CDC42BPG: variants seen among roughly 807,000 people sequenced by gnomAD.
The protein encoded by CDC42BPG is serine/threonine-protein kinase MRCK gamma.
In CDC42BPG, 157 loss-of-function variants were observed where a neutral mutation model predicts 192.2. The observed-to-expected ratio is 0.82, with a 90% CI of 0.72 to 0.93. The LOEUF (loss-of-function observed/expected upper bound fraction) is 0.93, where lower values mean the gene tolerates loss of function less well. CDC42BPG is among the 40% of genes least tolerant of loss of function. CDC42BPG has a pLI of 0.00. For missense variants in CDC42BPG, 1,992 were observed against 2,122.1 expected, an observed-to-expected ratio of 0.94 and a Z score of 1.20; for synonymous variants, 981 against 918.5, an observed-to-expected ratio of 1.07 and a Z score of -1.23.
chr11:64,842,360 C>G (rs1277710448), intron 1 of CDC42BPG, among the ~76,000 whole-genome samples: 1 of 152,202 alleles, frequency 6.6e-6, no homozygotes, highest in Non-Finnish European at 1.5e-5. Flanking sequence ...AGAGAGGCTT[C>G]TCTCCCATTC....
rs376375253 is a variant in CDC42BPG at position 64,832,831 on chromosome 11, G to A, written c.2860C>T (p.Leu954=). 1 of 1,586,590 alleles carries A rather than the reference G, an allele frequency of 6.3e-7. No homozygotes were observed. The highest frequency in any genetic ancestry group is 8.6e-7 in the Non-Finnish European group (1 of 1,166,838). The change falls in exon 25 of 37, where the codon CTG becomes TTG. Residue 954 remains leucine, a synonymous_variant. Coordinates refer to ENST00000342711, the MANE Select transcript of CDC42BPG (RefSeq NM_017525.3). ...TGTGTAYEGF[L]SVPRPSGVRR... The stretch of plus-strand genomic sequence containing the variant: ...CTCCCTCGGCCCCCACTCACCGACA[G>A]AAAGCCCTCATAGGCAGTGCCTGTG...
rs757654827 is a variant in CDC42BPG at position 64,836,140 on chromosome 11, C to T, written c.1645G>A (p.Glu549Lys). ...ACCTCCCTCTGGGCAGCCCGGGCTT[C>T]CTCCAGCTGGGAGCTCAGGGCCCGG... ...QTRALSSQLEEARAAQRELEA... is the reference protein window; with the variant it reads ...QTRALSSQLEKARAAQRELEA... The change falls in exon 13 of 37, where the codon GAA (glutamate) becomes AAA (lysine). Residue 549 changes from glutamate (E) to lysine (K), a missense_variant. Physicochemically the swap from Glu to Lys is moderately conservative, Grantham distance 56. This residue lies in a region of CDC42BPG where 1,656 missense variants were observed against 1,844.3 expected (regional missense o/e 0.90). Coordinates refer to ENST00000342711, the MANE Select transcript of CDC42BPG (RefSeq NM_017525.3). 6 of 1,600,392 alleles carry T rather than the reference C, an allele frequency of 3.7e-6. No homozygotes were observed. Among genetic ancestry groups the T allele is most frequent in the South Asian group, 1.1e-5 (1 of 88,952 alleles).
Position 64,824,369 on chromosome 11 carries a change from C to G in CDC42BPG, c.*104G>C. On this transcript the variant is annotated 3_prime_UTR_variant, in exon 37 of 37. Transcript: ENST00000342711. ...TGCCCAGCCCGGGTCCTCCCTGAGT[C>G]CGAATTTCCATGTCCCGGACCAGCC... 1.1e-6 allele frequency: 1 copy of G among 889,508 alleles called. No individual in the cohort carries two copies. The highest frequency in any genetic ancestry group is 1.9e-6 in the Non-Finnish European group (1 of 519,186). 55.1% of individuals were successfully genotyped at this position (889,508 alleles called of 1,614,324 possible).
At chr11:64,839,409 G>A (rs1346569183) in intron 6 of CDC42BPG, 69 bp downstream of exon 6, 3 of 1,536,692 alleles carry the variant, frequency 2.0e-6, no homozygotes, top group African/African-American at 2.7e-5. Flanking sequence ...TAGGCCTGGG[G>A]CCTCCCATTT....
At position 64,828,212 on chromosome 11, in the gene CDC42BPG, G is replaced by A. The variant is rs548486642; in HGVS notation, c.3968-429C>T. On this transcript the variant is annotated intron_variant, in intron 30 of 36. Transcript: ENST00000342711. ...AGCCATTGCTCACGAAGGACACTCT[G>A]CCCCTCTCTTCCAGCCCTTACCCAT... is the stretch of plus-strand genomic sequence containing the variant. 9.9e-5 allele frequency among the ~76,000 whole-genome samples: 15 copies of A among 152,262 alleles called. 1 individual carries two copies. In the South Asian group the frequency reaches 3.1e-3, roughly 32 times the overall value.
intron 5 of CDC42BPG, 40 bp from the exon 6 acceptor site, chr11:64,839,611 G>A (rs751573822): frequency 5.1e-6 from 8 of 1,555,286 alleles, no homozygotes; most frequent in East Asian, 2.3e-5. Context: ...CGTTTGACCT[G>A]TGTGTAAGTG....
chr11:64,823,496 G>A lies in CDC42BPG; in HGVS notation c.*977C>T, dbSNP rs1942317427. On this transcript the variant is annotated 3_prime_UTR_variant, in exon 37 of 37. Coordinates refer to ENST00000342711, the MANE Select transcript of CDC42BPG (RefSeq NM_017525.3). ...GCCCCCCACACTTCAGTGGGGGGAG[G>A]TTTAATAAAAATAGTAATATAATAA... 6.6e-6 allele frequency: 1 copy of A among 151,770 alleles called. No homozygotes were observed. The highest frequency in any genetic ancestry group is 6.6e-5 in the Admixed American group (1 of 15,216). The allele number at this position is 151,770 out of a possible 1,614,324, so 9.4% of individuals were successfully genotyped here.
In CDC42BPG at chr11:64,823,990, C is replaced by T. The variant is rs536055593; in HGVS notation, c.*483G>A. 5.5e-6 allele frequency: 1 copy of T among 180,536 alleles called. No homozygotes were observed. The highest frequency in any genetic ancestry group is 1.7e-4 in the East Asian group (1 of 5,834). The allele number at this position is 180,536 out of a possible 1,614,324, so 11.2% of individuals were successfully genotyped here. Reference sequence around the variant, plus strand: ...CTACATCCTTTCCCTCCTTCTCTATCTTCCCTTCTTCTGGATCACAGCCTG... The same window carrying T: ...CTACATCCTTTCCCTCCTTCTCTATTTTCCCTTCTTCTGGATCACAGCCTG... On this transcript the variant is annotated 3_prime_UTR_variant, in exon 37 of 37. Transcript: ENST00000342711.
At position 64,832,302 on chromosome 11, in the gene CDC42BPG, C is replaced by G. The variant is rs959913665; in HGVS notation, c.3087+126G>C. ...GAGGTGAGACCGGGCCAGGTGCTCA[C>G]GTGGAAAGCGTGCTGTGGTTGTGGG... On this transcript the variant is annotated intron_variant, in intron 27 of 36. Coordinates refer to ENST00000342711, the MANE Select transcript of CDC42BPG (RefSeq NM_017525.3). 6.1e-6 allele frequency: 6 copies of G among 983,956 alleles called. No individual in the cohort carries two copies. The East Asian group carries it at 1.6e-4, about 26-fold the overall frequency. The allele number at this position is 983,956 out of a possible 1,614,324, so 61.0% of individuals were successfully genotyped here. A position where few individuals can be genotyped will look rare whatever the true frequency, so the allele number is the denominator to read the frequency against.
chr11:64,844,113 T>C (rs999837607), intron 1 of CDC42BPG, among the ~76,000 whole-genome samples: 3 of 152,256 alleles, frequency 2.0e-5, no homozygotes, highest in South Asian at 2.1e-4. Context: ...TAAGGGACTC[T>C]AGGCGGTGCA....
rs1372219557 is a variant in CDC42BPG, at chr11:64,833,271, C to T, written c.2691G>A (p.Ser897=). ...CCTGGCGGCCCAGGCCCAGCATCAG[C>T]GAGGTGCAGCGGAGACACTTGGTCG... ...PSPTKCLRCT[S]LMLGLGRQGL... Residue 897 remains serine (S), a synonymous_variant, in exon 24 of 37, where the codon TCG becomes TCA. Coordinates refer to ENST00000342711, the MANE Select transcript of CDC42BPG (RefSeq NM_017525.3). The T allele has an allele frequency of 2.6e-6, 4 of 1,548,264 alleles. No individual in the cohort carries two copies. The highest frequency in any genetic ancestry group is 2.0e-5 in the Admixed American group (1 of 50,828).
At position 64,836,705 on chromosome 11, in the gene CDC42BPG, C is replaced by CCGGGGGGGGGGGGGGGGG. The variant is rs1192864769; in HGVS notation, c.1384+33_1384+34insCCCCCCCCCCCCCCCCCG. The CCGGGGGGGGGGGGGGGGG allele has an allele frequency of 1.6e-4, 58 of 353,460 alleles. 16 individuals carry two copies. The highest frequency in any genetic ancestry group is 8.4e-4 in the Middle Eastern group (1 of 1,190). 21.9% of individuals were successfully genotyped at this position (353,460 alleles called of 1,614,324 possible). ...ACCCGAGCCCAGGTGGGACTCAGCC[C>CCGGGGGGGGGGGGGGGGG]TGGGGGGGGGGGGGGGGTGGGCGGA... On this transcript the variant is annotated intron_variant, in intron 11 of 36. Coordinates refer to ENST00000342711, the MANE Select transcript of CDC42BPG (RefSeq NM_017525.3).
intron 1 of CDC42BPG, 145 bp downstream of exon 1, chr11:64,844,265 C>A: frequency 1.4e-6 from 1 of 725,120 alleles, no homozygotes; most frequent in Non-Finnish European, 2.0e-6. Context: ...CCGCGGGGGT[C>A]CGGTGGTACG....
In CDC42BPG at chr11:64,831,563, C is replaced by T. The variant is rs753277266; in HGVS notation, c.3246G>A (p.Lys1082=). ...RPRPRPVYTL[K]EAYDNGLPLL... ...GCGGCAGCCCGTTGTCGTAAGCCTC[C>T]TTGAGTGTGTACACGGGCCGGGGTC... The change falls in exon 28 of 37, where the codon AAG becomes AAA. Residue 1082 remains lysine, a synonymous_variant. Transcript: ENST00000342711. The T allele has an allele frequency of 6.2e-7, 1 of 1,612,680 alleles. No individual in the cohort carries two copies. Among genetic ancestry groups the T allele is most frequent in the Non-Finnish European group, 8.5e-7 (1 of 1,179,912 alleles).
chr11:64,840,287 A>C lies in CDC42BPG; in HGVS notation c.433-19T>G. 1.2e-6 allele frequency: 2 copies of C among 1,606,036 alleles called. No individual in the cohort carries two copies. The highest frequency in any genetic ancestry group is 1.7e-6 in the Non-Finnish European group (2 of 1,177,920). On this transcript the variant is annotated intron_variant, in intron 4 of 36. Coordinates refer to ENST00000342711, the MANE Select transcript of CDC42BPG (RefSeq NM_017525.3). ...CAAGGTACTGGAGGTGGCGGACAAG[A>C]ATCAGACCCGGGGGAAGGGTGCACC... is the stretch of plus-strand genomic sequence containing the variant.
At chr11:64,826,878 G>T in intron 34 of CDC42BPG, 84 bp from the exon 35 acceptor site, 1 of 1,378,500 alleles carries the variant, frequency 7.3e-7, no homozygotes, top group South Asian at 1.5e-5. Context: ...CAGGACAAAT[G>T]AACGCCACTG....
chr11:64,835,037 T>G lies in CDC42BPG; in HGVS notation c.2060+10A>C, dbSNP rs371393538. ...TGCGTTCCCCACCCCGACCCACCCC[T>G]GGCACCCACCAGCTGAGGATGTCGG... On this transcript the variant is annotated intron_variant, in intron 17 of 36. Transcript: ENST00000342711. 6 of 518,604 alleles carry G rather than the reference T, an allele frequency of 1.2e-5. No homozygotes were observed. Among genetic ancestry groups the G allele is most frequent in the Non-Finnish European group, 2.1e-5 (6 of 279,392 alleles). 32.1% of individuals were successfully genotyped at this position (518,604 alleles called of 1,614,324 possible).
Position 64,836,741 on chromosome 11 carries a change from G to A in CDC42BPG, c.1382C>T (p.Pro461Leu). ...KEVQTLRDRL[P>L]EMLRDKASLS... is the part of the protein sequence containing the mutation. ...GGGGGGGTGGGCGGAAGGGATACCT[G>A]GCAGCCTGTCCCGCAGAGTCTGCAC... is the stretch of plus-strand genomic sequence containing the variant. The change falls in exon 11 of 37, where the codon CCA becomes CTA. Residue 461 changes from proline to leucine, a missense_variant and splice_region_variant. Physicochemically the swap from Pro to Leu is moderately conservative, Grantham distance 98. Around this residue, in one of 2 missense-constraint regions of CDC42BPG, gnomAD observed 1,656 missense variants for 1,844.3 expected, o/e 0.90. Transcript: ENST00000342711. 1 of 1,268,452 alleles carries A rather than the reference G, an allele frequency of 7.9e-7. No individual in the cohort carries two copies. The allele number at this position is 1,268,452 out of a possible 1,614,324, so 78.6% of individuals were successfully genotyped here.
Position 64,840,635 on chromosome 11 carries a change from C to G in CDC42BPG, c.350G>C (p.Arg117Pro). ...TTTCACGAGCACATCCCGCTCCTCC[C>G]GGAAACAGGCTGTCTGCAGCAGGTT... ...MLKRAETACF[R>P]EERDVLVKGD... Residue 117 changes from arginine (R) to proline (P), a missense_variant, in exon 4 of 37, where the codon CGG becomes CCG. By Grantham distance (103) the Arg-to-Pro change is moderately radical. Around this residue, in one of 2 missense-constraint regions of CDC42BPG, gnomAD observed 1,656 missense variants for 1,844.3 expected, o/e 0.90. Coordinates refer to ENST00000342711, the MANE Select transcript of CDC42BPG (RefSeq NM_017525.3). 2 of 1,613,824 alleles carry G rather than the reference C, an allele frequency of 1.2e-6. No homozygotes were observed. The highest frequency in any genetic ancestry group is 1.1e-5 in the South Asian group (1 of 91,084).
Sources: gnomAD v4.1 joint callset for allele counts (sites outside exome capture counted in the v4.1 genomes callset) on GRCh38, gnomAD v4.1.1 for gene constraint, gnomAD v4.1.1 regional missense constraint, MANE v1.5 for transcripts, NCBI Gene and HGNC (gene_info 2026-07-23, HGNC 2026-07-21) for gene names.